Variants in SLC9A9 observed in about 807,000 individuals in gnomAD.
SLC9A9 encodes sodium/hydrogen exchanger 9.
A neutral mutation model predicts 77.8 loss-of-function variants in SLC9A9; 62 were observed. That is an observed-to-expected ratio of 0.80 (90% CI 0.65 to 0.98). The LOEUF is 0.98. Among genes scored for constraint, SLC9A9 ranks in the 50% least tolerant of loss-of-function variants. The pLI is 0.00. For missense variants in SLC9A9, 775 were observed against 774.9 expected (o/e 1.00, Z 0.00); for synonymous variants, 320 against 283.5 (o/e 1.13, Z -1.29).
At chr3:143,782,559 A>G (rs1227410671) in intron 4 of SLC9A9, among the ~76,000 whole-genome samples, 1 of 152,152 alleles carries the variant, frequency 6.6e-6, no homozygotes, top group Non-Finnish European at 1.5e-5. Context: ...CACAATAAGA[A>G]TTATCTCTCT....
intron 4 of SLC9A9, among the ~76,000 whole-genome samples, chr3:143,704,380 G>A (rs1005525878): frequency 1.3e-5 from 2 of 152,080 alleles, no homozygotes; most frequent in Non-Finnish European, 2.9e-5. Context: ...TCATCATGAC[G>A]AAGTGGAATT....
intron 4 of SLC9A9, among the ~76,000 whole-genome samples, chr3:143,768,625 A>T (rs955970765): frequency 2.0e-5 from 3 of 152,240 alleles, no homozygotes; most frequent in Non-Finnish European, 4.4e-5. Flanking sequence ...TAGATTATGT[A>T]TAATATGGCT....
chr3:143,304,297 A>C (rs2030676785), intron 14 of SLC9A9, among the ~76,000 whole-genome samples: 1 of 152,186 alleles, frequency 6.6e-6, no homozygotes, highest in Non-Finnish European at 1.5e-5. Flanking sequence ...TTAAAATCCA[A>C]ACTCTGGTTG....
At chr3:143,406,304 T>A (rs1169296429) in intron 12 of SLC9A9, among the ~76,000 whole-genome samples, 1 of 152,174 alleles carries the variant, frequency 6.6e-6, no homozygotes, top group Non-Finnish European at 1.5e-5. Context: ...TTTTGTTTTG[T>A]AATTCACATA....
intron 4 of SLC9A9, among the ~76,000 whole-genome samples, chr3:143,776,122 T>C (rs545621442): frequency 6.6e-6 from 1 of 152,328 alleles, no homozygotes; most frequent in Non-Finnish European, 1.5e-5. Context: ...TATATTTATA[T>C]CTAAAATACC....
At chr3:143,506,695 G>A (rs557380007) in intron 9 of SLC9A9, among the ~76,000 whole-genome samples, 4 of 152,108 alleles carry the variant, frequency 2.6e-5, no homozygotes, top group African/African-American at 9.6e-5. Flanking sequence ...GACTCTTTTG[G>A]AGGACACTTA....
At chr3:143,522,296 T>C (rs569450278) in intron 9 of SLC9A9, among the ~76,000 whole-genome samples, 39 of 152,018 alleles carry the variant, frequency 2.6e-4, no homozygotes, top group Non-Finnish European at 5.0e-4. Context: ...TTGAAAAGAG[T>C]TTAAAACCAT....
At chr3:143,528,445 A>G (rs2036444486) in intron 9 of SLC9A9, among the ~76,000 whole-genome samples, 1 of 152,230 alleles carries the variant, frequency 6.6e-6, no homozygotes, top group African/African-American at 2.4e-5. Context: ...GAAAGTACAG[A>G]AAGCAGAATT....
At chr3:143,491,092 T>A (rs777644969) in intron 11 of SLC9A9, among the ~76,000 whole-genome samples, 2 of 152,186 alleles carry the variant, frequency 1.3e-5, no homozygotes, top group African/African-American at 4.8e-5. Context: ...TTCAAGCTGA[T>A]AAGCTGTAAC....
intron 4 of SLC9A9, among the ~76,000 whole-genome samples, chr3:143,711,579 AT>A (rs35110625): frequency 0.066 from 8,877 of 134,150 alleles, 260 homozygotes; most frequent in African/African-American, 0.074. Flanking sequence ...TAAAAAAAAA[AT>A]TTTTTTTTTT....
At chr3:143,304,772 C>T (rs531127912) in intron 14 of SLC9A9, among the ~76,000 whole-genome samples, 2 of 152,318 alleles carry the variant, frequency 1.3e-5, no homozygotes, top group African/African-American at 2.4e-5. Flanking sequence ...GCTGGTTTAA[C>T]ACCCTCCCAT....
chr3:143,354,556 A>G (rs1213697031), intron 14 of SLC9A9, among the ~76,000 whole-genome samples: 5 of 152,208 alleles, frequency 3.3e-5, no homozygotes, highest in Admixed American at 2.6e-4. Context: ...GCCATGGCCC[A>G]TGCTGATAAT....
intron 6 of SLC9A9, among the ~76,000 whole-genome samples, chr3:143,611,103 A>G (rs140595486): frequency 9.8e-5 from 15 of 152,326 alleles, no homozygotes; most frequent in African/African-American, 2.4e-4. Context: ...AGAAGGCTAG[A>G]AAAAAATTTC....
At chr3:143,817,558 C>A (rs1045514371) in intron 2 of SLC9A9, among the ~76,000 whole-genome samples, 5 of 152,100 alleles carry the variant, frequency 3.3e-5, no homozygotes, top group African/African-American at 9.7e-5. Flanking sequence ...AATATATTTT[C>A]TCCTAAAGTT....
At chr3:143,551,768 C>T (rs2036890387) in intron 9 of SLC9A9, among the ~76,000 whole-genome samples, 1 of 152,188 alleles carries the variant, frequency 6.6e-6, no homozygotes, top group South Asian at 2.1e-4. Context: ...TAACGAACCT[C>T]TTGAAGGCAG....
chr3:143,355,420 A>C (rs1404336176), intron 14 of SLC9A9, among the ~76,000 whole-genome samples: 1 of 152,232 alleles, frequency 6.6e-6, no homozygotes, highest in African/African-American at 2.4e-5. Context: ...TATCAAAACA[A>C]AGCTATGAGG....
At chr3:143,736,385 A>G (rs192547454) in intron 4 of SLC9A9, among the ~76,000 whole-genome samples, 1 of 152,322 alleles carries the variant, frequency 6.6e-6, no homozygotes, top group African/African-American at 2.4e-5. Context: ...TCGATTATTC[A>G]TTAAACAAAC....
chr3:143,446,514 T>C (rs568103916), intron 12 of SLC9A9, among the ~76,000 whole-genome samples: 91 of 152,256 alleles, frequency 6.0e-4, no homozygotes, highest in African/African-American at 2.1e-3. Context: ...CTAAAGGCCC[T>C]GAATGCCTAC....
rs545016926 is a variant in SLC9A9 at position 143,552,342 on chromosome 3, T to C, written c.1089+20A>G. On this transcript the variant is annotated intron_variant, in intron 9 of 15. Coordinates refer to ENST00000316549, the MANE Select transcript of SLC9A9 (RefSeq NM_173653.4). ...TCACTGAGAAAAGAGACCAAGTCTG[T>C]AGTAAATTTTTTCTTTTACCTGTTT... is the stretch of plus-strand genomic sequence containing the variant. 1.5e-3 allele frequency: 2,403 copies of C among 1,568,106 alleles called. 42 individuals are homozygous for C. In the South Asian group the frequency reaches 0.025, roughly 16 times the overall value.
Sources: gnomAD v4.1 joint callset for allele counts (sites outside exome capture counted in the v4.1 genomes callset) on GRCh38, gnomAD v4.1.1 for gene constraint, MANE v1.5 for transcripts, NCBI Gene and HGNC (gene_info 2026-07-23, HGNC 2026-07-21) for gene names.